Variants in DLGAP1 observed in about 807,000 individuals in gnomAD.
DLGAP1 encodes DLG associated protein 1.
DLGAP1 carries 11 observed loss-of-function variants against 90.8 expected under a neutral mutation model. The ratio of observed to expected loss-of-function variants is 0.12; its 90% CI spans 0.08 to 0.20. The LOEUF is 0.20. DLGAP1 is among the 10% of genes least tolerant of loss of function. The probability of loss-of-function intolerance (pLI) is 1.00; values close to 1 mark genes in which losing one functional copy is unlikely to be tolerated. For synonymous variants in DLGAP1, 558 were observed against 540.7 expected (o/e 1.03, Z -0.44); for missense variants, 1,050 against 1,333.8 (o/e 0.79, Z 3.31).
intron 5 of DLGAP1, among the ~76,000 whole-genome samples, chr18:3,768,320 C>T (rs2064352030): frequency 6.6e-6 from 1 of 152,026 alleles, no homozygotes; most frequent in African/African-American, 2.4e-5. Context: ...TAAATGGAGA[C>T]ACATAGCATG....
intron 1 of DLGAP1, among the ~76,000 whole-genome samples, chr18:4,441,223 T>A (rs2083528921): frequency 6.6e-6 from 1 of 152,200 alleles, no homozygotes; most frequent in African/African-American, 2.4e-5. Flanking sequence ...GATTACTCAA[T>A]GGGCAGCAGG....
chr18:3,586,875 A>ACC (rs1223505723), intron 7 of DLGAP1, among the ~76,000 whole-genome samples: 1 of 152,158 alleles, frequency 6.6e-6, no homozygotes. Flanking sequence ...AAGATTTAGA[A>ACC]CCCACTGAGA....
intron 1 of DLGAP1, among the ~76,000 whole-genome samples, chr18:4,432,492 A>G (rs200861786): frequency 2.6e-5 from 4 of 151,346 alleles, no homozygotes; most frequent in African/African-American, 7.3e-5. Context: ...AAATTTTTTT[A>G]AAAATTATAT....
At chr18:3,920,316 A>G (rs2148910028) in intron 3 of DLGAP1, among the ~76,000 whole-genome samples, 1 of 143,274 alleles carries the variant, frequency 7.0e-6, no homozygotes, top group South Asian at 2.3e-4. Flanking sequence ...TTGCGGCACT[A>G]TACTTCTGCC....
chr18:4,180,764 A>C lies in DLGAP1; in HGVS notation c.-266-29477T>G, dbSNP rs191276396. 2.8e-4 allele frequency among the ~76,000 whole-genome samples: 15 copies of C among 53,112 alleles called. No homozygotes were observed. In the East Asian group the frequency reaches 0.03, roughly 106 times the overall value. 34.8% of individuals were successfully genotyped at this position (53,112 alleles called of 152,430 possible). On this transcript the variant is annotated intron_variant, in intron 1 of 12. Coordinates refer to ENST00000315677, the MANE Select transcript of DLGAP1 (RefSeq NM_004746.4). ...TGGGGAAGGTTTACAAAATTTTATC[A>C]TATGCTCAGAGGTAGGGAAAATCAC...
intron 3 of DLGAP1, among the ~76,000 whole-genome samples, chr18:3,919,179 T>A (rs960933071): frequency 1.3e-5 from 2 of 152,222 alleles, no homozygotes; most frequent in African/African-American, 2.4e-5. Context: ...AATTTTAATC[T>A]CCTTTGTAGG....
chr18:4,307,446 C>G (rs188554756), intron 1 of DLGAP1, among the ~76,000 whole-genome samples: 256 of 152,278 alleles, frequency 1.7e-3, no homozygotes, highest in African/African-American at 5.8e-3. Context: ...TTTTTTCACA[C>G]ACAAAGTTAC....
chr18:3,751,474 T>C lies in DLGAP1; in HGVS notation c.1173-8962A>G, dbSNP rs1777946235. On this transcript the variant is annotated intron_variant, in intron 5 of 12. Coordinates refer to ENST00000315677, the MANE Select transcript of DLGAP1 (RefSeq NM_004746.4). ...ACTACACCTGGCTAATTAAAATTTT[T>C]TTTTGTAGAGATGGGGTATTGTTAT... Among the ~76,000 whole-genome samples, 3 of 152,004 alleles carry C rather than the reference T, an allele frequency of 2.0e-5. No homozygotes were observed. In the South Asian group the frequency reaches 6.2e-4, roughly 32 times the overall value.
intron 3 of DLGAP1, among the ~76,000 whole-genome samples, chr18:3,945,050 T>C (rs978406550): frequency 1.3e-5 from 2 of 152,202 alleles, no homozygotes; most frequent in Non-Finnish European, 2.9e-5. Context: ...AATCTCAGCA[T>C]AGCCATTGAA....
chr18:3,583,636 G>A (rs144817650), intron 7 of DLGAP1, among the ~76,000 whole-genome samples: 3 of 152,284 alleles, frequency 2.0e-5, no homozygotes. Flanking sequence ...TTTCTTTAGG[G>A]CAACTTGGTC....
rs115374348 is a variant in DLGAP1, at chr18:4,208,592, T to C, written c.-266-57305A>G. Among the ~76,000 whole-genome samples the C allele has an allele frequency of 8.7e-3, 1,326 of 152,294 alleles. 27 individuals carry two copies. Among genetic ancestry groups the C allele is most frequent in the African/African-American group, 0.03 (1,230 of 41,556 alleles). On this transcript the variant is annotated intron_variant, in intron 1 of 12. Transcript: ENST00000315677. ...GAGTGGGAAGATGCTGACTGTAGTTTGGGAGTTTCGCAATAGGGAAAGATG... is the reference window on the plus strand; with the variant it reads ...GAGTGGGAAGATGCTGACTGTAGTTCGGGAGTTTCGCAATAGGGAAAGATG...
intron 6 of DLGAP1, among the ~76,000 whole-genome samples, chr18:3,741,841 C>CTTTTTTT (rs374274361): frequency 6.8e-6 from 1 of 147,458 alleles, no homozygotes. Flanking sequence ...TTTTCTTTTT[C>CTTTTTTT]TTTTTCTTTT....
At chr18:3,968,141 T>C (rs2073368300) in intron 3 of DLGAP1, among the ~76,000 whole-genome samples, 1 of 152,238 alleles carries the variant, frequency 6.6e-6, no homozygotes, top group East Asian at 1.9e-4. Context: ...GAAGGAGACA[T>C]AACTGCTCTA....
intron 2 of DLGAP1, among the ~76,000 whole-genome samples, chr18:4,132,070 A>G (rs2076325832): frequency 6.6e-6 from 1 of 152,078 alleles, no homozygotes; most frequent in South Asian, 2.1e-4. Flanking sequence ...TAGAATGCTA[A>G]TTCTTGAAGC....
chr18:3,861,311 G>A (rs866381291), intron 4 of DLGAP1, among the ~76,000 whole-genome samples: 14 of 152,032 alleles, frequency 9.2e-5, no homozygotes, highest in Admixed American at 7.2e-4. Flanking sequence ...TATTCTACAG[G>A]CTTTCCTAAT....
At chr18:3,892,444 C>T (rs1049850820) in intron 3 of DLGAP1, among the ~76,000 whole-genome samples, 3 of 152,166 alleles carry the variant, frequency 2.0e-5, no homozygotes, top group Non-Finnish European at 2.9e-5. Context: ...GTGTTTCATG[C>T]TCTCTAAAAT....
At chr18:4,416,230 T>C (rs993491113) in intron 1 of DLGAP1, among the ~76,000 whole-genome samples, 1 of 152,172 alleles carries the variant, frequency 6.6e-6, no homozygotes, top group African/African-American at 2.4e-5. Context: ...TATCCTGTCA[T>C]TATTTATTTT....
chr18:4,054,960 C>A (rs2075191505), intron 2 of DLGAP1, among the ~76,000 whole-genome samples: 1 of 152,246 alleles, frequency 6.6e-6, no homozygotes, highest in Non-Finnish European at 1.5e-5. Context: ...TGATTTAGAT[C>A]ATCTTTATTA....
intron 1 of DLGAP1, among the ~76,000 whole-genome samples, chr18:4,199,893 A>G (rs935070454): frequency 2.6e-5 from 4 of 152,206 alleles, no homozygotes; most frequent in Non-Finnish European, 4.4e-5. Flanking sequence ...TTGGCTCCCC[A>G]GATAAATAAC....
Sources: gnomAD v4.1 joint callset for allele counts (sites outside exome capture counted in the v4.1 genomes callset) on GRCh38, gnomAD v4.1.1 for gene constraint, MANE v1.5 for transcripts, NCBI Gene and HGNC (gene_info 2026-07-23, HGNC 2026-07-21) for gene names.